Variants in BBS9 observed in about 807,000 individuals in gnomAD.
BBS9 encodes protein PTHB1.
BBS9 carries 89 observed loss-of-function variants against 117.7 expected under a neutral mutation model. The observed-to-expected ratio is 0.76, with a 90% CI of 0.64 to 0.90. The LOEUF (loss-of-function observed/expected upper bound fraction) is 0.90, where lower values mean the gene tolerates loss of function less well. BBS9 is among the 40% of genes least tolerant of loss of function. The pLI, the probability that BBS9 is intolerant of heterozygous loss-of-function variation, is 0.00. For synonymous variants in BBS9, 379 were observed against 370.9 expected (o/e 1.02, Z -0.25); for missense variants, 982 against 1,042.2 (o/e 0.94, Z 0.80).
chr7:33,249,395 G>C (rs1795887588), intron 5 of BBS9, among the ~76,000 whole-genome samples: 1 of 152,038 alleles, frequency 6.6e-6, no homozygotes, highest in Non-Finnish European at 1.5e-5. Flanking sequence ...TTGACTATAT[G>C]ATATTTTAAT....
chr7:33,580,763 T>G (rs1859741040), intron 21 of BBS9, among the ~76,000 whole-genome samples: 1 of 152,178 alleles, frequency 6.6e-6, no homozygotes, highest in South Asian at 2.1e-4. Context: ...CATTCTATTT[T>G]GAACATATAT....
At chr7:33,219,980 G>A (rs1257553586) in intron 5 of BBS9, among the ~76,000 whole-genome samples, 2 of 152,148 alleles carry the variant, frequency 1.3e-5, no homozygotes, top group South Asian at 2.1e-4. Flanking sequence ...CCCACCAGAA[G>A]GAAGAAACTC....
intron 3 of BBS9, among the ~76,000 whole-genome samples, chr7:33,153,585 A>G (rs1793671299): frequency 1.3e-5 from 2 of 152,188 alleles, no homozygotes; most frequent in East Asian, 3.9e-4. Flanking sequence ...GCAGTACCCT[A>G]AGCTCTGGAT....
chr7:33,478,079 C>G (rs1424912525), intron 19 of BBS9, among the ~76,000 whole-genome samples: 2 of 152,020 alleles, frequency 1.3e-5, no homozygotes, highest in African/African-American at 4.8e-5. Flanking sequence ...TTTTTCTTGA[C>G]TCTGCTAGAA....
At chr7:33,473,342 G>T in intron 19 of BBS9, among the ~76,000 whole-genome samples, 1 of 18,942 alleles carries the variant, frequency 5.3e-5, no homozygotes, top group South Asian at 1.5e-3. Context: ...CCCCCGCCCC[G>T]AGGCAGAGTC....
At chr7:33,334,575 A>T (rs922344778) in intron 9 of BBS9, among the ~76,000 whole-genome samples, 1 of 152,178 alleles carries the variant, frequency 6.6e-6, no homozygotes, top group Non-Finnish European at 1.5e-5. Context: ...CATGGCCACT[A>T]GATGGCTTCA....
At chr7:33,533,776 C>G in intron 20 of BBS9, 178 bp from the exon 21 acceptor site, 1 of 681,746 alleles carries the variant, frequency 1.5e-6, no homozygotes, top group Non-Finnish European at 2.5e-6. Flanking sequence ...TGCTCAAGGT[C>G]AAACAGGTGA....
chr7:33,451,047 C>A (rs1289581636), intron 19 of BBS9, among the ~76,000 whole-genome samples: 1 of 151,874 alleles, frequency 6.6e-6, no homozygotes, highest in East Asian at 1.9e-4. Context: ...CGCCACCATG[C>A]CCGGCTAATT....
chr7:33,442,490 A>T (rs1836355879), intron 19 of BBS9, among the ~76,000 whole-genome samples: 1 of 152,202 alleles, frequency 6.6e-6, no homozygotes, highest in East Asian at 1.9e-4. Flanking sequence ...CATTTCATCA[A>T]ATTATTACGT....
At chr7:33,195,411 T>C (rs6462463) in intron 5 of BBS9, among the ~76,000 whole-genome samples, 126,945 of 152,108 alleles carry the variant, frequency 0.83, 52,980 homozygotes, top group Admixed American at 0.87. Context: ...AGGCATGGGT[T>C]ATTGTGGTCA....
intron 19 of BBS9, among the ~76,000 whole-genome samples, chr7:33,500,687 A>G (rs1208900895): frequency 6.6e-6 from 1 of 152,224 alleles, no homozygotes; most frequent in Non-Finnish European, 1.5e-5. Context: ...GGCAGATTCA[A>G]TGGTAAGTTT....
chr7:33,510,503 T>G (rs1166644977), intron 20 of BBS9, among the ~76,000 whole-genome samples: 1 of 152,098 alleles, frequency 6.6e-6, no homozygotes, highest in Admixed American at 6.6e-5. Context: ...TTTACTCATT[T>G]ATTCATTCAA....
intron 19 of BBS9, among the ~76,000 whole-genome samples, chr7:33,483,588 G>C (rs1373821370): frequency 6.6e-6 from 1 of 151,516 alleles, no homozygotes; most frequent in South Asian, 2.1e-4. Context: ...AGTATCACGT[G>C]ATATTTTATA....
chr7:33,226,660 G>A (rs1338538370), intron 5 of BBS9, among the ~76,000 whole-genome samples: 2 of 152,118 alleles, frequency 1.3e-5, no homozygotes, highest in Non-Finnish European at 2.9e-5. Context: ...TGGATAAGTG[G>A]ATAAACAAAA....
intron 17 of BBS9, among the ~76,000 whole-genome samples, chr7:33,370,098 T>G (rs569125607): frequency 6.6e-6 from 1 of 152,042 alleles, no homozygotes; most frequent in East Asian, 1.9e-4. Flanking sequence ...AAAAGTAAGG[T>G]GTAGCTCATT....
At chr7:33,416,566 A>G (rs1047113339) in intron 19 of BBS9, among the ~76,000 whole-genome samples, 1 of 152,042 alleles carries the variant, frequency 6.6e-6, no homozygotes, top group Non-Finnish European at 1.5e-5. Flanking sequence ...TTATTCATTC[A>G]TTTATGCAAC....
At chr7:33,309,689 G>T (rs1385518552) in intron 9 of BBS9, among the ~76,000 whole-genome samples, 1 of 152,160 alleles carries the variant, frequency 6.6e-6, no homozygotes, top group African/African-American at 2.4e-5. Flanking sequence ...AAATGTATAT[G>T]AAAGTCCCTT....
intron 21 of BBS9, among the ~76,000 whole-genome samples, chr7:33,559,545 G>A (rs956670400): frequency 1.3e-5 from 2 of 152,142 alleles, no homozygotes; most frequent in African/African-American, 4.8e-5. Flanking sequence ...ACAGGATTGT[G>A]TCTTGGGAAT....
chr7:33,313,310 G>A (rs1562978896), intron 9 of BBS9, among the ~76,000 whole-genome samples: 1 of 152,038 alleles, frequency 6.6e-6, no homozygotes, highest in Non-Finnish European at 1.5e-5. Context: ...TTAGCCTCTA[G>A]CGTGGTGCCT....
Sources: gnomAD v4.1 joint callset for allele counts (sites outside exome capture counted in the v4.1 genomes callset) on GRCh38, gnomAD v4.1.1 for gene constraint, MANE v1.5 for transcripts, NCBI Gene and HGNC (gene_info 2026-07-23, HGNC 2026-07-21) for gene names.